The following DNAI7 variants were observed in gnomAD, a reference collection of about 807,000 sequenced individuals.
DNAI7 encodes cancer susceptibility 1.
Under a neutral mutation model 86.6 loss-of-function variants are expected in DNAI7, and 78 were observed. The ratio of observed to expected loss-of-function variants is 0.90; its 90% confidence interval spans 0.75 to 1.09. The LOEUF is 1.09. Ranked by LOEUF, DNAI7 falls within the 50% of genes least tolerant of loss-of-function variation. The pLI, the probability that DNAI7 is intolerant of heterozygous loss-of-function variation, is 0.00. For synonymous variants in DNAI7, 274 were observed against 273.0 expected (o/e 1.00, Z -0.04); for missense variants, 753 against 810.2 (o/e 0.93, Z 0.86).
At chr12:25,122,805 G>T (rs1941523468) in intron 10 of DNAI7, among the ~76,000 whole-genome samples, 1 of 152,044 alleles carries the variant, frequency 6.6e-6, no homozygotes, top group African/African-American at 2.4e-5. Context: ...GAAACAACCT[G>T]CCTATCAATA....
intron 3 of DNAI7, 31 bp from the exon 4 acceptor site, chr12:25,158,594 T>G (rs1403753115): frequency 1.3e-6 from 2 of 1,587,502 alleles, no homozygotes; most frequent in Admixed American, 3.5e-5. Context: ...TTTTTCTCAG[T>G]GAATAGATCA....
intron 2 of DNAI7, among the ~76,000 whole-genome samples, chr12:25,163,305 T>TA (rs1947043982): frequency 6.6e-6 from 1 of 152,048 alleles, no homozygotes; most frequent in African/African-American, 2.4e-5. Context: ...ACTGATGACA[T>TA]TCCGCCACAA....
In DNAI7 at chr12:25,115,584, A is replaced by G. The variant is rs1939922346; in HGVS notation, c.1397-714T>C. Among the ~76,000 whole-genome samples, 3 of 152,242 alleles carry G rather than the reference A, an allele frequency of 2.0e-5. No individual in the cohort carries two copies. In the South Asian group the frequency reaches 6.2e-4, roughly 31 times the overall value. On this transcript the variant is annotated intron_variant, in intron 12 of 15. Coordinates refer to ENST00000395987, the MANE Select transcript of DNAI7 (RefSeq NM_018272.5). ...TAATAAGTACTTAAAAAGATGATCAACATTATTAGTAATTAGGGAAATAAA... is the reference window on the plus strand; with the variant it reads ...TAATAAGTACTTAAAAAGATGATCAGCATTATTAGTAATTAGGGAAATAAA...
At chr12:25,118,406 G>T (rs887008507) in intron 12 of DNAI7, among the ~76,000 whole-genome samples, 4 of 152,006 alleles carry the variant, frequency 2.6e-5, no homozygotes, top group African/African-American at 9.7e-5. Context: ...TGGGATTACA[G>T]GTGTGTGCCA....
chr12:25,190,184 A>G (rs1950395408), intron 2 of DNAI7, among the ~76,000 whole-genome samples: 1 of 152,188 alleles, frequency 6.6e-6, no homozygotes, highest in African/African-American at 2.4e-5. Flanking sequence ...AAACAGTACA[A>G]AAAAACCCAC....
In DNAI7 at chr12:25,144,684, A is replaced by G. The variant is rs1179671023; in HGVS notation, c.690-7T>C. ...GAATCTAACACTTCTGTGCCTGTTAATAATTAATTACAACAAAAAAAGATG... is the reference window on the plus strand; with the variant it reads ...GAATCTAACACTTCTGTGCCTGTTAGTAATTAATTACAACAAAAAAAGATG... On this transcript the variant is annotated splice_region_variant and splice_polypyrimidine_tract_variant and intron_variant, in intron 8 of 15. Transcript: ENST00000395987. 1 of 1,596,788 alleles carries G rather than the reference A, an allele frequency of 6.3e-7. No homozygotes were observed. Among genetic ancestry groups the G allele is most frequent in the Non-Finnish European group, 8.5e-7 (1 of 1,171,208 alleles).
intron 4 of DNAI7, among the ~76,000 whole-genome samples, chr12:25,156,480 C>T (rs907288772): frequency 5.3e-5 from 8 of 152,062 alleles, no homozygotes; most frequent in African/African-American, 1.2e-4. Context: ...TTGGGCCTGG[C>T]GTGGTGGCTC....
intron 2 of DNAI7, among the ~76,000 whole-genome samples, chr12:25,161,835 A>G (rs1404091693): frequency 6.6e-6 from 1 of 151,460 alleles, no homozygotes; most frequent in African/African-American, 2.4e-5. Context: ...GTGGTGAAGA[A>G]AATGAGAATG....
intron 9 of DNAI7, among the ~76,000 whole-genome samples, chr12:25,136,931 C>T (rs1943623805): frequency 6.6e-6 from 1 of 152,100 alleles, no homozygotes; most frequent in Non-Finnish European, 1.5e-5. Context: ...ACAACCAAAT[C>T]AAAGAATAAC....
intron 15 of DNAI7, among the ~76,000 whole-genome samples, chr12:25,109,426 G>A (rs558950115): frequency 3.9e-5 from 6 of 152,022 alleles, no homozygotes. Context: ...TCACTCTGCT[G>A]TTCAGGCTCG....
At chr12:25,137,207 G>A (rs1464140287) in intron 9 of DNAI7, among the ~76,000 whole-genome samples, 1 of 152,066 alleles carries the variant, frequency 6.6e-6, no homozygotes, top group Non-Finnish European at 1.5e-5. Context: ...TTACATGCTA[G>A]AAGGGATTGG....
intron 14 of DNAI7, 55 bp downstream of exon 14, chr12:25,111,717 A>G: frequency 9.0e-7 from 1 of 1,114,800 alleles, no homozygotes; most frequent in Non-Finnish European, 1.3e-6. Flanking sequence ...AACATTTAAT[A>G]ATTGCTAACA....
chr12:25,170,683 T>C (rs999474668), intron 2 of DNAI7, among the ~76,000 whole-genome samples: 1 of 152,178 alleles, frequency 6.6e-6, no homozygotes, highest in Non-Finnish European at 1.5e-5. Flanking sequence ...ACACATTCTA[T>C]TCAACAGCAC....
At chr12:25,112,399 G>GTTTTTTTT (rs10602859) in intron 13 of DNAI7, among the ~76,000 whole-genome samples, 2 of 104,298 alleles carry the variant, frequency 1.9e-5, no homozygotes, top group African/African-American at 4.4e-5. Flanking sequence ...TTCACATCTG[G>GTTTTTTTT]TTTTTTTTTT....
chr12:25,154,851 T>C (rs1285766652), intron 5 of DNAI7, among the ~76,000 whole-genome samples: 2 of 152,222 alleles, frequency 1.3e-5, no homozygotes, highest in Admixed American at 1.3e-4. Flanking sequence ...AGGCCTTCCA[T>C]TCATTTTGTA....
At chr12:25,189,053 C>T (rs1370327503) in intron 2 of DNAI7, among the ~76,000 whole-genome samples, 1 of 152,178 alleles carries the variant, frequency 6.6e-6, no homozygotes, top group African/African-American at 2.4e-5. Flanking sequence ...AAAGAAGGCA[C>T]TCAATGGTAT....
chr12:25,123,181 G>T (rs762784659), intron 10 of DNAI7, 30 bp downstream of exon 10: 2 of 1,399,276 alleles, frequency 1.4e-6, no homozygotes, highest in Admixed American at 4.1e-5. Context: ...TCTCAATAAA[G>T]TTAAATTCTT....
At chr12:25,159,623 T>C (rs1946610573) in intron 3 of DNAI7, among the ~76,000 whole-genome samples, 1 of 152,226 alleles carries the variant, frequency 6.6e-6, no homozygotes, top group African/African-American at 2.4e-5. Flanking sequence ...AAGACTTCCA[T>C]AATCTTGTGA....
intron 2 of DNAI7, among the ~76,000 whole-genome samples, chr12:25,182,766 T>C (rs531582045): frequency 1.3e-5 from 2 of 151,208 alleles, no homozygotes; most frequent in Non-Finnish European, 2.9e-5. Flanking sequence ...CTAAAAAAAA[T>C]TTTTTTAATT....
Sources: gnomAD v4.1 joint callset for allele counts (sites outside exome capture counted in the v4.1 genomes callset) on GRCh38, gnomAD v4.1.1 for gene constraint, MANE v1.5 for transcripts, NCBI Gene and HGNC (gene_info 2026-07-23, HGNC 2026-07-21) for gene names.